Variants in CIT observed in about 807,000 individuals in gnomAD.
CIT encodes citron rho-interacting serine/threonine kinase.
CIT carries 79 observed loss-of-function variants against 272.7 expected under a neutral mutation model. The observed-to-expected ratio is 0.29, with a 90% confidence interval of 0.24 to 0.35. The LOEUF (loss-of-function observed/expected upper bound fraction) is 0.35. Among genes scored for constraint, CIT ranks in the 10% least tolerant of loss-of-function variants. The pLI, the probability that CIT is intolerant of heterozygous loss-of-function variation, is 1.00. For synonymous variants in CIT, 948 were observed against 995.6 expected (o/e 0.95, Z 0.90); for missense variants, 1,909 against 2,618.3 (o/e 0.73, Z 5.91).
rs1963027604 is a variant in CIT at position 119,770,699 on chromosome 12, T to C, written c.2208+86A>G. 6.8e-7 allele frequency: 1 copy of C among 1,481,322 alleles called. No homozygotes were observed. The highest frequency in any genetic ancestry group is 1.4e-5 in the African/African-American group (1 of 72,408). 91.8% of individuals were successfully genotyped at this position (1,481,322 alleles called of 1,614,324 possible). ...CTACTTGGAGATACCTCCCTTATTG[T>C]GGCGGTTAATTCTTCTTCTTACCCC... On this transcript the variant is annotated intron_variant, in intron 18 of 47. Coordinates refer to ENST00000392521, the MANE Select transcript of CIT (RefSeq NM_001206999.2). The surrounding 1 kb of genome is among the most constrained non-coding windows in gnomAD (Gnocchi z 4.4).
At chr12:119,769,585 T>A (rs1490087617) in intron 18 of CIT, among the ~76,000 whole-genome samples, 2 of 152,152 alleles carry the variant, frequency 1.3e-5, no homozygotes, top group Non-Finnish European at 2.9e-5. Context: ...CGGTGGGATC[T>A]CAGTGGGATC....
intron 41 of CIT, among the ~76,000 whole-genome samples, chr12:119,702,708 G>A (rs1354933662): frequency 2.6e-5 from 4 of 151,280 alleles, no homozygotes; most frequent in Admixed American, 2.0e-4. Flanking sequence ...AGAAAGAAAA[G>A]AAAGAAACAG....
At chr12:119,861,798 T>C (rs761427845) in intron 3 of CIT, among the ~76,000 whole-genome samples, 13 of 152,146 alleles carry the variant, frequency 8.5e-5, no homozygotes, top group Non-Finnish European at 1.8e-4. Context: ...TACAAAGATG[T>C]GAATGATGAA....
At position 119,721,458 on chromosome 12, in the gene CIT, G is replaced by A; in HGVS notation, c.3592-9C>T. The A allele has an allele frequency of 6.2e-7, 1 of 1,600,168 alleles. No individual in the cohort carries two copies. The highest frequency in any genetic ancestry group is 8.6e-7 in the Non-Finnish European group (1 of 1,168,734). ...TGCTGTAATTTGGCTTGCTAGTGGG[G>A]AGAAGGGCCAGGGAAATGCTTGATA... is the stretch of plus-strand genomic sequence containing the variant. On this transcript the variant is annotated splice_polypyrimidine_tract_variant and intron_variant, in intron 28 of 47. Coordinates refer to ENST00000392521, the MANE Select transcript of CIT (RefSeq NM_001206999.2).
At chr12:119,706,846 C>A (rs571941712) in intron 40 of CIT, among the ~76,000 whole-genome samples, 20 of 152,272 alleles carry the variant, frequency 1.3e-4, no homozygotes, top group Non-Finnish European at 2.1e-4. Flanking sequence ...ATTTTTAGGT[C>A]TTTGAGGATC....
At chr12:119,693,224 A>C (rs1042139726) in intron 46 of CIT, among the ~76,000 whole-genome samples, 28 of 152,278 alleles carry the variant, frequency 1.8e-4, no homozygotes, top group African/African-American at 6.3e-4. Flanking sequence ...AATCTACCAC[A>C]TCAATTTTAT....
In CIT at chr12:119,861,123, GA is replaced by G. The variant is rs751799519; in HGVS notation, c.239-3426del. ...GGGATACAGCGAGACTCTGTCTCAG[GA>G]AAAAAAAAAAAAACTTCACAACTTC... is the stretch of plus-strand genomic sequence containing the variant. On this transcript the variant is annotated intron_variant, in intron 3 of 47. Coordinates refer to ENST00000392521, the MANE Select transcript of CIT (RefSeq NM_001206999.2). Among the ~76,000 whole-genome samples, 328 of 137,400 alleles carry G rather than the reference GA, an allele frequency of 2.4e-3. 1 individual carries two copies. The highest frequency in any genetic ancestry group is 0.011 in the East Asian group (53 of 4,654). The allele number at this position is 137,400 out of a possible 152,430, so 90.1% of individuals were successfully genotyped here.
At chr12:119,737,031 CTTTTTAATTA>C (rs1474694385) in intron 24 of CIT, among the ~76,000 whole-genome samples, 1 of 152,120 alleles carries the variant, frequency 6.6e-6, no homozygotes, top group Non-Finnish European at 1.5e-5. Flanking sequence ...CTGCTTTTAC[CTTTTTAATTA>C]TTTTAATTTT....
At position 119,713,891 on chromosome 12, in the gene CIT, G is replaced by A; in HGVS notation, c.4307-243C>T. The A allele has an allele frequency of 1.6e-6, 1 of 609,196 alleles. No homozygotes were observed. The highest frequency in any genetic ancestry group is 2.9e-6 in the Non-Finnish European group (1 of 344,990). The allele number at this position is 609,196 out of a possible 1,614,324, so 37.7% of individuals were successfully genotyped here. The stretch of plus-strand genomic sequence containing the variant: ...ATCCAGACCGCCCACAAACAGGTGT[G>A]TAAAGAACACGTTTGCATGTTTCAG... On this transcript the variant is annotated intron_variant, in intron 33 of 47. Coordinates refer to ENST00000392521, the MANE Select transcript of CIT (RefSeq NM_001206999.2). This position sits in a 1 kb window ranked among gnomAD's most constrained non-coding sequence, Gnocchi z 5.2.
rs997928062 is a variant in CIT, at chr12:119,717,701, G to A, written c.4168+544C>T. Among the ~76,000 whole-genome samples the A allele has an allele frequency of 2.6e-5, 4 of 151,874 alleles. No individual in the cohort carries two copies. The South Asian group carries it at 6.2e-4, about 24-fold the overall frequency. Reference sequence around the variant, plus strand: ...ATCCCAAAGTGCTGGGATTACTGGCGTGAGCCACCATGCCCAGCCTATTTT... The same window carrying A: ...ATCCCAAAGTGCTGGGATTACTGGCATGAGCCACCATGCCCAGCCTATTTT... On this transcript the variant is annotated intron_variant, in intron 32 of 47. Coordinates refer to ENST00000392521, the MANE Select transcript of CIT (RefSeq NM_001206999.2).
chr12:119,845,593 C>T (rs1241587027), intron 5 of CIT, among the ~76,000 whole-genome samples: 2 of 147,912 alleles, frequency 1.4e-5, no homozygotes, highest in Admixed American at 6.9e-5. Context: ...GTGGAGGCTG[C>T]AGTGAGCCAA....
chr12:119,690,385 C>T lies in CIT; in HGVS notation c.5952G>A (p.Ala1984=), dbSNP rs1438437561. The T allele has an allele frequency of 7.5e-6, 12 of 1,596,292 alleles. No homozygotes were observed. The highest frequency in any genetic ancestry group is 5.6e-5 in the South Asian group (5 of 89,962). Residue 1984 remains alanine (A), a synonymous_variant, in exon 47 of 48, where the codon GCG becomes GCA. Transcript: ENST00000392521. This position sits in a 1 kb window ranked among gnomAD's most constrained non-coding sequence, Gnocchi z 6.0. ...HITKRVASSP[A]PPEGPSHPRE... is the part of the protein sequence containing the mutation. ...GCGGGTGGCTGGGGCCTTCGGGCGG[C>T]GCTGGGCTGGAGGCCACGCGCTTGG...
At chr12:119,771,600 C>G (rs979387776) in intron 17 of CIT, among the ~76,000 whole-genome samples, 40 of 152,136 alleles carry the variant, frequency 2.6e-4, no homozygotes, top group African/African-American at 8.9e-4. Context: ...ATTATGGAAC[C>G]CCTGAAAGGT....
chr12:119,701,599 G>A, intron 43 of CIT, 25 bp downstream of exon 43: 10 of 1,609,972 alleles, frequency 6.2e-6, no homozygotes, highest in Non-Finnish European at 8.5e-6. Context: ...GACCCAAAAG[G>A]GCAGTGGGCG....
intron 23 of CIT, among the ~76,000 whole-genome samples, chr12:119,747,695 G>C (rs1054404832): frequency 1.6e-4 from 25 of 152,128 alleles, no homozygotes; most frequent in African/African-American, 6.0e-4. Flanking sequence ...ACTCCAGCCT[G>C]GCAAGAGAGT....
intron 23 of CIT, among the ~76,000 whole-genome samples, chr12:119,747,193 C>T (rs1959546517): frequency 6.6e-6 from 1 of 152,088 alleles, no homozygotes; most frequent in African/African-American, 2.4e-5. Context: ...GAGGCTGAAG[C>T]AGGTGGATCA....
chr12:119,804,423 G>A lies in CIT; in HGVS notation c.1112-1034C>T. On this transcript the variant is annotated intron_variant, in intron 9 of 47. Coordinates refer to ENST00000392521, the MANE Select transcript of CIT (RefSeq NM_001206999.2). This position sits in a 1 kb window ranked among gnomAD's most constrained non-coding sequence, Gnocchi z 5.3. ...GCAGGCTGCATGCTCCCGGCTCCGT[G>A]CGTGCGTGCTCTGGCTGGAACCCCA... is the stretch of plus-strand genomic sequence containing the variant. 1 of 985,766 alleles carries A rather than the reference G, an allele frequency of 1.0e-6. No homozygotes were observed. Among genetic ancestry groups the A allele is most frequent in the Non-Finnish European group, 1.2e-6 (1 of 830,192 alleles). 61.1% of individuals were successfully genotyped at this position (985,766 alleles called of 1,614,324 possible).
At chr12:119,765,502 T>C (rs1962341079) in intron 19 of CIT, among the ~76,000 whole-genome samples, 1 of 141,160 alleles carries the variant, frequency 7.1e-6, no homozygotes, top group Admixed American at 7.2e-5. Context: ...ACAGGGTCTC[T>C]CTCTGTCACC....
In CIT at chr12:119,770,419, C is replaced by T. The variant is rs1962967444; in HGVS notation, c.2208+366G>A. 6.6e-6 allele frequency among the ~76,000 whole-genome samples: 1 copy of T among 151,930 alleles called. No individual in the cohort carries two copies. The highest frequency in any genetic ancestry group is 6.6e-5 in the Admixed American group (1 of 15,248). On this transcript the variant is annotated intron_variant, in intron 18 of 47. Transcript: ENST00000392521. The surrounding 1 kb of genome is among the most constrained non-coding windows in gnomAD (Gnocchi z 4.4). ...TCGGTCTTAAAGGTCTAAACCCCTACAGCTTTTTAAATTGGCAATGCGAAG... is the reference window on the plus strand; with the variant it reads ...TCGGTCTTAAAGGTCTAAACCCCTATAGCTTTTTAAATTGGCAATGCGAAG...
Sources: allele counts gnomAD v4.1 joint callset (sites outside exome capture counted in the v4.1 genomes callset), GRCh38; gene constraint gnomAD v4.1.1; non-coding constraint Gnocchi (gnomAD v3.1); transcripts MANE v1.5; gene names NCBI Gene and HGNC (gene_info 2026-07-23, HGNC 2026-07-21).